CTNNA1: variants seen among roughly 807,000 people sequenced by gnomAD.
CTNNA1 encodes the protein catenin alpha-1.
In CTNNA1, 37 loss-of-function variants were observed where a neutral mutation model predicts 98.4. That is an observed-to-expected ratio of 0.38 (90% CI 0.29 to 0.49). CTNNA1 has a LOEUF of 0.49. Among genes scored for constraint, CTNNA1 ranks in the 20% least tolerant of loss-of-function variants. The probability of loss-of-function intolerance (pLI) is 0.95; values close to 1 mark genes in which losing one functional copy is unlikely to be tolerated. For missense variants in CTNNA1, 761 were observed against 1,147.2 expected (o/e 0.66, Z 4.86); for synonymous variants, 404 against 413.2 (o/e 0.98, Z 0.27).
intron 3 of CTNNA1, among the ~76,000 whole-genome samples, chr5:138,792,367 GA>G (rs1756476535): frequency 6.6e-6 from 1 of 152,186 alleles, no homozygotes; most frequent in Non-Finnish European, 1.5e-5. Context: ...TGAAGGAGGC[GA>G]AAATTGGTCT....
Position 138,825,492 on chromosome 5 carries a change from T to TTTTTTGTTTTTTG in CTNNA1, c.858+698_858+699insGTTTTTTGTTTTT, listed in dbSNP as rs1313898953. Among the ~76,000 whole-genome samples the TTTTTTGTTTTTTG allele has an allele frequency of 1.6e-4, 18 of 110,214 alleles. 2 individuals are homozygous for TTTTTTGTTTTTTG. Among genetic ancestry groups the TTTTTTGTTTTTTG allele is most frequent in the Admixed American group, 1.2e-3 (12 of 9,994 alleles). The allele number at this position is 110,214 out of a possible 152,430, so 72.3% of individuals were successfully genotyped here. ...ATGGCAGCAGTATAAGTTTTTTTTT[T>TTTTTTGTTTTTTG]TTTTTTAGGGCTTTAAAAGTAACTG... On this transcript the variant is annotated intron_variant, in intron 6 of 17. Transcript: ENST00000302763.
At chr5:138,807,404 T>G (rs1758206885) in intron 3 of CTNNA1, among the ~76,000 whole-genome samples, 1 of 152,044 alleles carries the variant, frequency 6.6e-6, no homozygotes, top group Non-Finnish European at 1.5e-5. Context: ...AGGGATGGGT[T>G]CATTTCAGAG....
At chr5:138,917,281 G>A (rs1163730727) in intron 10 of CTNNA1, among the ~76,000 whole-genome samples, 2 of 152,172 alleles carry the variant, frequency 1.3e-5, no homozygotes, top group African/African-American at 4.8e-5. Flanking sequence ...GAACAACCCA[G>A]ACATCCTACA....
At chr5:138,914,871 G>A (rs1294642763) in intron 10 of CTNNA1, among the ~76,000 whole-genome samples, 1 of 152,072 alleles carries the variant, frequency 6.6e-6, no homozygotes, top group Non-Finnish European at 1.5e-5. Flanking sequence ...TACTGGGCCG[G>A]GCGCAGTGGC....
intron 1 of CTNNA1, among the ~76,000 whole-genome samples, chr5:138,774,110 C>T (rs1190162082): frequency 1.3e-5 from 2 of 151,990 alleles, no homozygotes; most frequent in African/African-American, 4.8e-5. Flanking sequence ...CTTGAGATCC[C>T]GACCTCAGGT....
At chr5:138,890,935 T>A (rs1401441938) in intron 9 of CTNNA1, among the ~76,000 whole-genome samples, 4 of 152,200 alleles carry the variant, frequency 2.6e-5, no homozygotes, top group African/African-American at 9.7e-5. Context: ...CCTCCCCATC[T>A]TAAAGGTATG....
At chr5:138,769,351 A>C (rs1753271080) in intron 1 of CTNNA1, among the ~76,000 whole-genome samples, 1 of 151,090 alleles carries the variant, frequency 6.6e-6, no homozygotes, top group Non-Finnish European at 1.5e-5. Flanking sequence ...TGTGTTTTTA[A>C]ATTTTTATTT....
At position 138,874,606 on chromosome 5, in the gene CTNNA1, G is replaced by A. The variant is rs1378942280; in HGVS notation, c.1063-11606G>A. 2 of 1,144,774 alleles carry A rather than the reference G, an allele frequency of 1.7e-6. No individual in the cohort carries two copies. The highest frequency in any genetic ancestry group is 3.1e-5 in the African/African-American group (2 of 63,976). 70.9% of individuals were successfully genotyped at this position (1,144,774 alleles called of 1,614,324 possible). ...CAAGAAGATAGGATATTTTTCAGCAGAACATATGGGCTATTTAAAAAAAAC... is the reference window on the plus strand; with the variant it reads ...CAAGAAGATAGGATATTTTTCAGCAAAACATATGGGCTATTTAAAAAAAAC... On this transcript the variant is annotated intron_variant, in intron 7 of 17. Coordinates refer to ENST00000302763, the MANE Select transcript of CTNNA1 (RefSeq NM_001903.5). The surrounding 1 kb of genome is among the most constrained non-coding windows in gnomAD (Gnocchi z 4.1).
Position 138,873,103 on chromosome 5 carries a change from T to C in CTNNA1, c.1063-13109T>C, listed in dbSNP as rs1454164252. 2.5e-6 allele frequency: 4 copies of C among 1,613,898 alleles called. No homozygotes were observed. The highest frequency in any genetic ancestry group is 1.3e-5 in the African/African-American group (1 of 74,934). ...AGGGTCCTTCATGGGTGGGTTCATATTCATTATACGGTCCTTGGTCTGACA... is the reference window on the plus strand; with the variant it reads ...AGGGTCCTTCATGGGTGGGTTCATACTCATTATACGGTCCTTGGTCTGACA... On this transcript the variant is annotated intron_variant, in intron 7 of 17. Transcript: ENST00000302763. The surrounding 1 kb of genome is among the most constrained non-coding windows in gnomAD (Gnocchi z 6.1).
At chr5:138,790,088 C>T (rs1756190938) in intron 3 of CTNNA1, among the ~76,000 whole-genome samples, 1 of 152,088 alleles carries the variant, frequency 6.6e-6, no homozygotes, top group Non-Finnish European at 1.5e-5. Flanking sequence ...GTAGACAGCC[C>T]AGAGGTAGGA....
At chr5:138,852,908 A>G (rs1269462299) in intron 7 of CTNNA1, among the ~76,000 whole-genome samples, 4 of 99,232 alleles carry the variant, frequency 4.0e-5, no homozygotes, top group Admixed American at 1.1e-4. Flanking sequence ...TGCCTGATCA[A>G]AGTGGGATCA....
chr5:138,886,494 C>T (rs1481135747), intron 8 of CTNNA1, among the ~76,000 whole-genome samples: 1 of 152,128 alleles, frequency 6.6e-6, no homozygotes, highest in Non-Finnish European at 1.5e-5. Flanking sequence ...AATACAGTCT[C>T]ACTGTGTTGG....
intron 7 of CTNNA1, among the ~76,000 whole-genome samples, chr5:138,843,961 A>G (rs551527613): frequency 6.6e-6 from 1 of 152,290 alleles, no homozygotes; most frequent in African/African-American, 2.4e-5. Context: ...CACTTTTTTT[A>G]GAAGGTCAAA....
At chr5:138,818,773 G>C (rs146318014) in intron 5 of CTNNA1, among the ~76,000 whole-genome samples, 5 of 152,250 alleles carry the variant, frequency 3.3e-5, no homozygotes, top group Non-Finnish European at 7.3e-5. Flanking sequence ...CTGGGTCCCT[G>C]GTTGTGTCAG....
chr5:138,929,341 T>C lies in CTNNA1; in HGVS notation c.1995T>C (p.Ala665=), dbSNP rs1580896577. Residue 665 remains alanine (A), a synonymous_variant, in exon 14 of 18, where the codon GCT becomes GCC. Coordinates refer to ENST00000302763, the MANE Select transcript of CTNNA1 (RefSeq NM_001903.5). ...AGACAGAAGACGATCAGCTGATAGC[T>C]GGCCAGAGTGCCCGGGTAAGGAAGC... ...SVQTEDDQLI[A]GQSARAIMAQ... is the part of the protein sequence containing the mutation. The C allele has an allele frequency of 6.3e-7, 1 of 1,590,082 alleles. No individual in the cohort carries two copies. Among genetic ancestry groups the C allele is most frequent in the Non-Finnish European group, 8.6e-7 (1 of 1,158,034 alleles).
chr5:138,767,868 A>G (rs535571858), intron 1 of CTNNA1, among the ~76,000 whole-genome samples: 68 of 152,292 alleles, frequency 4.5e-4, no homozygotes, highest in Admixed American at 1.4e-3. Flanking sequence ...TTTTACATTG[A>G]TACAGTAACA....
At chr5:138,930,779 A>G (rs1765130242) in intron 15 of CTNNA1, 51 bp from the exon 16 acceptor site, 1 of 1,525,946 alleles carries the variant, frequency 6.6e-7, no homozygotes, top group Admixed American at 1.7e-5. Context: ...TTCTACTCCA[A>G]CTGTGAGGGG....
chr5:138,873,575 A>T lies in CTNNA1; in HGVS notation c.1063-12637A>T. On this transcript the variant is annotated intron_variant, in intron 7 of 17. Coordinates refer to ENST00000302763, the MANE Select transcript of CTNNA1 (RefSeq NM_001903.5). The surrounding 1 kb of genome is among the most constrained non-coding windows in gnomAD (Gnocchi z 6.1). ...GATGGAGTGTTCCCACCGACCTTGG[A>T]AACTGCCCAGCCAGGAGGCCAGAGC... 6.2e-7 allele frequency: 1 copy of T among 1,613,962 alleles called. No individual in the cohort carries two copies. The highest frequency in any genetic ancestry group is 8.5e-7 in the Non-Finnish European group (1 of 1,179,876).
chr5:138,892,939 C>A (rs186215269), intron 9 of CTNNA1, among the ~76,000 whole-genome samples: 1,693 of 152,170 alleles, frequency 0.011, 25 homozygotes, highest in African/African-American at 0.039. Flanking sequence ...TCACTTGAAC[C>A]CGGGAGGCGG....
Sources: gnomAD v4.1 joint callset for allele counts (sites outside exome capture counted in the v4.1 genomes callset) on GRCh38, gnomAD v4.1.1 for gene constraint, Gnocchi (gnomAD v3.1) non-coding constraint, MANE v1.5 for transcripts, NCBI Gene and HGNC (gene_info 2026-07-23, HGNC 2026-07-21) for gene names.